Variants in MYH9 observed in about 807,000 individuals in gnomAD.
The protein encoded by MYH9 is myosin-9.
Under a neutral mutation model 241.9 loss-of-function variants are expected in MYH9, and 29 were observed. That is an observed-to-expected ratio of 0.12 (90% CI 0.09 to 0.16). The LOEUF (loss-of-function observed/expected upper bound fraction) is 0.16. Ranked by LOEUF, MYH9 falls within the 10% of genes least tolerant of loss-of-function variation. The pLI is 1.00. For synonymous variants in MYH9, 1,047 were observed against 1,062.6 expected (o/e 0.99, Z 0.29); for missense variants, 1,803 against 2,595.5 (o/e 0.69, Z 6.63).
At chr22:36,284,591 A>G in intron 38 of MYH9, 80 bp from the exon 39 acceptor site, 1 of 1,357,908 alleles carries the variant, frequency 7.4e-7, no homozygotes, top group Non-Finnish European at 1.0e-6. Context: ...AGGACCACCC[A>G]TTCCCCGGGG....
At chr22:36,337,710 A>G (rs2146380690) in intron 3 of MYH9, among the ~76,000 whole-genome samples, 1 of 152,386 alleles carries the variant, frequency 6.6e-6, no homozygotes, top group East Asian at 1.9e-4. Flanking sequence ...TAAGTGGCAG[A>G]GAACAAATCT....
intron 1 of MYH9, among the ~76,000 whole-genome samples, chr22:36,362,133 G>A (rs575843006): frequency 6.6e-6 from 1 of 152,280 alleles, no homozygotes; most frequent in East Asian, 1.9e-4. Context: ...GAAGTCAGTG[G>A]TTGGAAAATA....
chr22:36,306,267 C>T lies in MYH9; in HGVS notation c.2037+147G>A, dbSNP rs1393451512. The T allele has an allele frequency of 5.7e-5, 72 of 1,270,640 alleles. No individual in the cohort carries two copies. The highest frequency in any genetic ancestry group is 5.2e-4 in the South Asian group (41 of 78,738). The allele number at this position is 1,270,640 out of a possible 1,614,324, so 78.7% of individuals were successfully genotyped here. A position where few individuals can be genotyped will look rare whatever the true frequency, so the allele number is the denominator to read the frequency against. On this transcript the variant is annotated intron_variant, in intron 16 of 40. Coordinates refer to ENST00000216181, the MANE Select transcript of MYH9 (RefSeq NM_002473.6). This position sits in a 1 kb window ranked among gnomAD's most constrained non-coding sequence, Gnocchi z 4.1. ...CTGTGAATGTAGCGTATCTCCTAAG[C>T]GAGCCAAGGCCCACCCTGCAGAGAA...
chr22:36,321,390 C>T (rs1173449872), intron 7 of MYH9, among the ~76,000 whole-genome samples: 1 of 152,220 alleles, frequency 6.6e-6, no homozygotes, highest in East Asian at 1.9e-4. Flanking sequence ...GGAGCTCACA[C>T]CTTCGAGAGC....
At chr22:36,297,169 G>A in intron 24 of MYH9, 155 bp from the exon 25 acceptor site, 8 of 810,576 alleles carry the variant, frequency 9.9e-6, no homozygotes, top group South Asian at 6.5e-5. Flanking sequence ...CCTGGATGCA[G>A]GAAGAGGACA....
intron 15 of MYH9, among the ~76,000 whole-genome samples, 187 bp downstream of exon 15, chr22:36,309,095 A>T (rs1603483208): frequency 6.6e-6 from 1 of 152,306 alleles, no homozygotes; most frequent in East Asian, 1.9e-4. Flanking sequence ...TGTGTGCGCA[A>T]GGGCAGTGGC....
rs760767473 is a variant in MYH9, at chr22:36,285,094, G to A, written c.5483+27C>T. ...GCCAGAGTTTTTTCCAGGACAGCTG[G>A]GGTTGGGCGGGGCCAGGGGCACGTA... On this transcript the variant is annotated intron_variant, in intron 38 of 40. Transcript: ENST00000216181. This position sits in a 1 kb window ranked among gnomAD's most constrained non-coding sequence, Gnocchi z 7.0. The A allele has an allele frequency of 6.2e-7, 1 of 1,609,624 alleles. No individual in the cohort carries two copies. Among genetic ancestry groups the A allele is most frequent in the Non-Finnish European group, 8.5e-7 (1 of 1,177,270 alleles).
intron 19 of MYH9, among the ~76,000 whole-genome samples, chr22:36,302,929 C>T (rs1193804310): frequency 6.6e-6 from 1 of 152,166 alleles, no homozygotes; most frequent in African/African-American, 2.4e-5. Context: ...ACTGAGGTGC[C>T]CATGGGGGTG....
chr22:36,321,599 G>A (rs1193384327), intron 7 of MYH9, among the ~76,000 whole-genome samples, 159 bp downstream of exon 7: 8 of 152,192 alleles, frequency 5.3e-5, no homozygotes, highest in Non-Finnish European at 8.8e-5. Flanking sequence ...TGTTGGGTTT[G>A]CACTAGCCGA....
chr22:36,363,810 T>A (rs988661480), intron 1 of MYH9, among the ~76,000 whole-genome samples: 2 of 152,212 alleles, frequency 1.3e-5, no homozygotes, highest in African/African-American at 4.8e-5. Flanking sequence ...AGGGTTTGGT[T>A]GGGTTCACCA....
intron 11 of MYH9, among the ~76,000 whole-genome samples, chr22:36,317,638 G>A (rs116527808): frequency 8.6e-4 from 131 of 152,328 alleles, no homozygotes; most frequent in African/African-American, 3.1e-3. Flanking sequence ...CCCATGGCCA[G>A]CACCATAAAA....
At chr22:36,314,394 G>T (rs2017116636) in intron 12 of MYH9, 76 bp from the exon 13 acceptor site, 4 of 1,569,644 alleles carry the variant, frequency 2.5e-6, no homozygotes, top group Non-Finnish European at 2.6e-6. Flanking sequence ...TGAGAAGGAG[G>T]GTGGGGCAGG....
chr22:36,322,465 G>A lies in MYH9; in HGVS notation c.669C>T (p.Asn223=), dbSNP rs552295057. 45 of 1,613,908 alleles carry A rather than the reference G, an allele frequency of 2.8e-5. No individual in the cohort carries two copies. Among genetic ancestry groups the A allele is most frequent in the Middle Eastern group, 1.6e-4 (1 of 6,062 alleles). ...AGTTGTCATTCTTCACGGTCTTGGC[G>A]TTCCCGAAGGCCTCCAGGATGGGGT... is the stretch of plus-strand genomic sequence containing the variant. ...QANPILEAFG[N]AKTVKNDNSS... is the part of the protein sequence containing the mutation. Residue 223 remains asparagine, a synonymous_variant, in exon 6 of 41, where the codon AAC becomes AAT. Coordinates refer to ENST00000216181, the MANE Select transcript of MYH9 (RefSeq NM_002473.6).
intron 14 of MYH9, among the ~76,000 whole-genome samples, chr22:36,309,768 G>A (rs2017030830): frequency 6.6e-6 from 1 of 152,198 alleles, no homozygotes; most frequent in Non-Finnish European, 1.5e-5. Context: ...TTTCTTTTTA[G>A]TCATAAGACA....
At chr22:36,332,347 G>C (rs1403743609) in intron 3 of MYH9, among the ~76,000 whole-genome samples, 2 of 152,228 alleles carry the variant, frequency 1.3e-5, no homozygotes, top group Non-Finnish European at 2.9e-5. Context: ...TGTGCCGAGT[G>C]GGGTGGAGCT....
intron 19 of MYH9, among the ~76,000 whole-genome samples, chr22:36,303,109 G>A (rs950718635): frequency 6.6e-6 from 1 of 152,166 alleles, no homozygotes; most frequent in African/African-American, 2.4e-5. Context: ...CTGATGTACT[G>A]TGAAGGTGGG....
In MYH9 at chr22:36,336,197, C is replaced by T. The variant is rs116502436; in HGVS notation, c.490+5173G>A. Among the ~76,000 whole-genome samples the T allele has an allele frequency of 3.2e-3, 491 of 152,364 alleles. 2 individuals are homozygous for T. Among genetic ancestry groups the T allele is most frequent in the African/African-American group, 0.01 (428 of 41,590 alleles). ...GTCACTGAAAGTGAACCAAACCTGG[C>T]ATTCTACCTAATTCACATAGAAGGG... On this transcript the variant is annotated intron_variant, in intron 3 of 40. Coordinates refer to ENST00000216181, the MANE Select transcript of MYH9 (RefSeq NM_002473.6).
Position 36,288,585 on chromosome 22 carries a change from C to A in MYH9, c.4770+142G>T. 4 of 1,316,814 alleles carry A rather than the reference C, an allele frequency of 3.0e-6. No homozygotes were observed. The highest frequency in any genetic ancestry group is 4.3e-6 in the Non-Finnish European group (4 of 927,024). The allele number at this position is 1,316,814 out of a possible 1,614,324, so 81.6% of individuals were successfully genotyped here. A position where few individuals can be genotyped will look rare whatever the true frequency, so the allele number is the denominator to read the frequency against. On this transcript the variant is annotated intron_variant, in intron 33 of 40. Transcript: ENST00000216181. This position sits in a 1 kb window ranked among gnomAD's most constrained non-coding sequence, Gnocchi z 4.8. ...GAAAGTGAGTCACTGAACCCCGAGACAGGAGGCTAGAAAGAAGGAATATGG... is the reference window on the plus strand; with the variant it reads ...GAAAGTGAGTCACTGAACCCCGAGAAAGGAGGCTAGAAAGAAGGAATATGG...
Position 36,282,584 on chromosome 22 carries a change from T to TG in MYH9, c.*83dup, listed in dbSNP as rs2016509480. 8.1e-7 allele frequency: 1 copy of TG among 1,241,062 alleles called. No individual in the cohort carries two copies. The highest frequency in any genetic ancestry group is 1.5e-5 in the African/African-American group (1 of 67,256). 76.9% of individuals were successfully genotyped at this position (1,241,062 alleles called of 1,614,324 possible). A position where few individuals can be genotyped will look rare whatever the true frequency, so the allele number is the denominator to read the frequency against. ...CATGTTCACAGCAGTCCCAAGAAGGTGGGGAGAGGCGTGCTGCGGGGTCTG... is the reference window on the plus strand; with the variant it reads ...CATGTTCACAGCAGTCCCAAGAAGGTGGGGGAGAGGCGTGCTGCGGGGTCTG... On this transcript the variant is annotated 3_prime_UTR_variant, in exon 41 of 41. Coordinates refer to ENST00000216181, the MANE Select transcript of MYH9 (RefSeq NM_002473.6).
Sources: allele counts gnomAD v4.1 joint callset (sites outside exome capture counted in the v4.1 genomes callset), GRCh38; gene constraint gnomAD v4.1.1; non-coding constraint Gnocchi (gnomAD v3.1); transcripts MANE v1.5; gene names NCBI Gene and HGNC (gene_info 2026-07-23, HGNC 2026-07-21).